The following DNAH14 variants were observed in gnomAD, a reference collection of about 807,000 sequenced individuals.
DNAH14 encodes the protein axonemal beta dynein heavy chain 14.
In DNAH14, 478 loss-of-function variants were observed where a neutral mutation model predicts 520.9. That is an observed-to-expected ratio of 0.92 (90% confidence interval 0.85 to 0.99). The LOEUF is 0.99. Ranked by LOEUF, DNAH14 falls within the 50% of genes least tolerant of loss-of-function variation. DNAH14 has a pLI of 0.00. For synonymous variants in DNAH14, 1,581 were observed against 1,757.2 expected, an observed-to-expected ratio of 0.90 and a Z score of 2.51; for missense variants, 4,831 against 5,234.5, an observed-to-expected ratio of 0.92 and a Z score of 2.38.
chr1:225,181,767 A>T (rs2084036504), intron 36 of DNAH14, among the ~76,000 whole-genome samples: 1 of 152,182 alleles, frequency 6.6e-6, no homozygotes, highest in Non-Finnish European at 1.5e-5. Context: ...GTTTGCAAAT[A>T]TCTTCTCCCC....
chr1:224,972,372 C>T (rs748058932), intron 7 of DNAH14, among the ~76,000 whole-genome samples: 1 of 152,080 alleles, frequency 6.6e-6, no homozygotes, highest in Non-Finnish European at 1.5e-5. Context: ...GGTGCGATCT[C>T]GGCTCACTGC....
At position 224,951,572 on chromosome 1, in the gene DNAH14, C is replaced by CTCG. The variant is rs773265519; in HGVS notation, c.-33-1095_-33-1093dup. ...CTAGGACTCTTTCTGCACCCTGAGT[C>CTCG]TCGTCAATAGGTAGACTGTCCTACA... On this transcript the variant is annotated intron_variant, in intron 1 of 85. Transcript: ENST00000682510. Among the ~76,000 whole-genome samples the CTCG allele has an allele frequency of 4.0e-5, 6 of 150,710 alleles. No individual in the cohort carries two copies. In the East Asian group the frequency reaches 7.8e-4, roughly 20 times the overall value.
intron 41 of DNAH14, among the ~76,000 whole-genome samples, chr1:225,223,217 C>T (rs1558074815): frequency 6.6e-6 from 1 of 152,078 alleles, no homozygotes; most frequent in Admixed American, 6.5e-5. Flanking sequence ...AATGCAAGAT[C>T]GACAAAACAA....
intron 55 of DNAH14, among the ~76,000 whole-genome samples, chr1:225,291,558 A>G (rs1423004488): frequency 6.6e-6 from 1 of 152,124 alleles, no homozygotes; most frequent in African/African-American, 2.4e-5. Flanking sequence ...CTGAGACTAC[A>G]AGACTGCACA....
In DNAH14 at chr1:225,139,233, A is replaced by G. The variant is rs1042533586; in HGVS notation, c.4255-1535A>G. Among the ~76,000 whole-genome samples, 7 of 152,214 alleles carry G rather than the reference A, an allele frequency of 4.6e-5. No homozygotes were observed. In the South Asian group the frequency reaches 1.2e-3, roughly 27 times the overall value. ...AAGGTGACAAAATTATAATGAATCA[A>G]TCTGCACACTTCTGTAGTTTAACAG... is the stretch of plus-strand genomic sequence containing the variant. On this transcript the variant is annotated intron_variant, in intron 27 of 85. Transcript: ENST00000682510.
intron 82 of DNAH14, 43 bp from the exon 83 acceptor site, chr1:225,389,691 T>C: frequency 6.5e-7 from 1 of 1,544,534 alleles, no homozygotes; most frequent in South Asian, 1.2e-5. Flanking sequence ...GGTGTGCAAT[T>C]ATTATGCCCT....
intron 23 of DNAH14, among the ~76,000 whole-genome samples, chr1:225,117,202 G>A (rs2076930052): frequency 6.6e-6 from 1 of 152,002 alleles, no homozygotes; most frequent in South Asian, 2.1e-4. Context: ...GAGAAATATA[G>A]AAATTCTCTA....
chr1:225,045,809 A>G (rs1226697125), intron 15 of DNAH14, among the ~76,000 whole-genome samples: 1 of 152,118 alleles, frequency 6.6e-6, no homozygotes, highest in Non-Finnish European at 1.5e-5. Flanking sequence ...TGAAGTTACC[A>G]TATTTCCTCC....
rs760286141 is a variant in DNAH14 at position 225,392,330 on chromosome 1, G to C, written c.13370G>C (p.Arg4457Pro). ...AAVLQDYGRS[R>P]GIAVDALTFT... ...GTGCTTCAAGACTATGGGAGGTCCC[G>C]AGGAATCGCTGTGGATGCCCTCACC... is the stretch of plus-strand genomic sequence containing the variant. Residue 4457 changes from arginine (R) to proline (P), a missense_variant, in exon 84 of 86, where the codon CGA becomes CCA. By Grantham distance (103) the Arg-to-Pro change is moderately radical. Transcript: ENST00000682510. The C allele has an allele frequency of 1.3e-6, 2 of 1,552,376 alleles. No individual in the cohort carries two copies. Among genetic ancestry groups the C allele is most frequent in the South Asian group, 2.4e-5 (2 of 84,064 alleles).
At chr1:225,050,136 A>T (rs2068400354) in intron 15 of DNAH14, 74 bp from the exon 16 acceptor site, 3 of 1,271,240 alleles carry the variant, frequency 2.4e-6, no homozygotes, top group Non-Finnish European at 3.2e-6. Flanking sequence ...ATAGTTCTAG[A>T]TGTCATGGAT....
intron 11 of DNAH14, among the ~76,000 whole-genome samples, chr1:225,036,670 A>C (rs1444074476): frequency 6.6e-6 from 1 of 152,134 alleles, no homozygotes; most frequent in African/African-American, 2.4e-5. Context: ...CCATTGTATG[A>C]GGGTGAAGTT....
chr1:225,056,469 A>C (rs2069113226), intron 17 of DNAH14, among the ~76,000 whole-genome samples: 1 of 152,052 alleles, frequency 6.6e-6, no homozygotes, highest in Non-Finnish European at 1.5e-5. Flanking sequence ...ATTTTCTCCC[A>C]TTCTGTAGGT....
chr1:225,219,790 C>T (rs2089854196), intron 41 of DNAH14, among the ~76,000 whole-genome samples: 1 of 152,136 alleles, frequency 6.6e-6, no homozygotes, highest in Non-Finnish European at 1.5e-5. Context: ...AATAGGGACT[C>T]CTCTATAACT....
intron 8 of DNAH14, among the ~76,000 whole-genome samples, chr1:224,984,230 A>G (rs988980774): frequency 6.6e-6 from 1 of 152,234 alleles, no homozygotes; most frequent in Non-Finnish European, 1.5e-5. Flanking sequence ...GAACCCAGAA[A>G]TAAACCTGAA....
chr1:225,290,989 T>C (rs1419995140), intron 55 of DNAH14, among the ~76,000 whole-genome samples: 1 of 151,944 alleles, frequency 6.6e-6, no homozygotes, highest in African/African-American at 2.4e-5. Context: ...TAGCTGTAAT[T>C]TTGTATCCCT....
chr1:224,979,709 C>A (rs2062126171), intron 8 of DNAH14, among the ~76,000 whole-genome samples: 1 of 152,180 alleles, frequency 6.6e-6, no homozygotes, highest in East Asian at 1.9e-4. Context: ...CAGCACACCT[C>A]ACAGCAAAGA....
chr1:224,955,152 A>G, intron 3 of DNAH14, 54 bp downstream of exon 3: 1 of 1,545,854 alleles, frequency 6.5e-7, no homozygotes, highest in Admixed American at 2.1e-5. Context: ...AGTTTATGGA[A>G]ATTGAAAGAA....
chr1:225,353,303 T>G (rs1370849033), intron 72 of DNAH14, among the ~76,000 whole-genome samples: 3 of 152,114 alleles, frequency 2.0e-5, no homozygotes, highest in Non-Finnish European at 4.4e-5. Flanking sequence ...GGGGTCAGTA[T>G]TAAATATATG....
At chr1:225,318,797 T>C in intron 61 of DNAH14, 120 bp downstream of exon 61, 1 of 983,410 alleles carries the variant, frequency 1.0e-6, no homozygotes, top group Non-Finnish European at 1.5e-6. Flanking sequence ...TTTCTTAATC[T>C]TGGTTTAAGA....
Sources: gnomAD v4.1 joint callset for allele counts (sites outside exome capture counted in the v4.1 genomes callset) on GRCh38, gnomAD v4.1.1 for gene constraint, MANE v1.5 for transcripts, NCBI Gene and HGNC (gene_info 2026-07-23, HGNC 2026-07-21) for gene names.